The following MGMT variants were observed in gnomAD, a reference collection of about 807,000 sequenced individuals.
MGMT encodes the protein methylated-DNA--protein-cysteine methyltransferase.
MGMT carries 14 observed loss-of-function variants against 15.9 expected under a neutral mutation model. That is an observed-to-expected ratio of 0.88 (90% CI 0.58 to 1.37). MGMT has a LOEUF of 1.37. Ranked by LOEUF, MGMT falls within the 40% of genes most tolerant of loss-of-function variation. The pLI, the probability that MGMT is intolerant of heterozygous loss-of-function variation, is 0.00. For synonymous variants in MGMT, 130 were observed against 118.2 expected (o/e 1.10, Z -0.65); for missense variants, 282 against 268.1 (o/e 1.05, Z -0.36).
chr10:129,522,415 G>A (rs182188937), intron 1 of MGMT, among the ~76,000 whole-genome samples: 170 of 152,262 alleles, frequency 1.1e-3, no homozygotes, highest in Admixed American at 2.5e-3. Context: ...ACTCCTGGAC[G>A]GTTGCCGGAG....
In MGMT at chr10:129,696,829, G is replaced by A. The variant is rs187931236; in HGVS notation, c.126-11066G>A. Among the ~76,000 whole-genome samples the A allele has an allele frequency of 8.9e-4, 136 of 152,298 alleles. 2 individuals are homozygous for A. The highest frequency in any genetic ancestry group is 3.0e-3 in the African/African-American group (126 of 41,570). Reference sequence around the variant, plus strand: ...GCAGCCCTTGGTTGGACTTCTTTACGCAGCCCAGTCCACACCTCACCTGTG... The same window carrying A: ...GCAGCCCTTGGTTGGACTTCTTTACACAGCCCAGTCCACACCTCACCTGTG... On this transcript the variant is annotated intron_variant, in intron 2 of 4. Coordinates refer to ENST00000651593, the MANE Select transcript of MGMT (RefSeq NM_002412.5).
chr10:129,515,197 TC>T (rs1845725203), intron 1 of MGMT, among the ~76,000 whole-genome samples: 1 of 152,230 alleles, frequency 6.6e-6, no homozygotes, highest in Non-Finnish European at 1.5e-5. Flanking sequence ...GCCTGGTGTC[TC>T]GTCTGAGAGG....
chr10:129,638,429 C>CAAAAAAAAAAAAAAAA lies in MGMT; in HGVS notation c.126-69465_126-69450dup. On this transcript the variant is annotated intron_variant, in intron 2 of 4. Coordinates refer to ENST00000651593, the MANE Select transcript of MGMT (RefSeq NM_002412.5). ...GAAGTCCAAGAGAGGACCAAAGAGG[C>CAAAAAAAAAAAAAAAA]AAAAAAAAAAAAAAAAGAAAAAAAA... Among the ~76,000 whole-genome samples the CAAAAAAAAAAAAAAAA allele has an allele frequency of 3.5e-3, 219 of 61,722 alleles. 19 individuals carry two copies. Among genetic ancestry groups the CAAAAAAAAAAAAAAAA allele is most frequent in the Non-Finnish European group, 5.0e-3 (153 of 30,702 alleles). The allele number at this position is 61,722 out of a possible 152,430, so 40.5% of individuals were successfully genotyped here.
intron 2 of MGMT, among the ~76,000 whole-genome samples, chr10:129,704,671 T>C (rs996326603): frequency 1.3e-5 from 2 of 152,088 alleles, no homozygotes. Flanking sequence ...CTCTGGCTCC[T>C]TCCTTAAAAC....
At chr10:129,721,870 C>G (rs537715260) in intron 3 of MGMT, among the ~76,000 whole-genome samples, 1 of 151,332 alleles carries the variant, frequency 6.6e-6, no homozygotes, top group African/African-American at 2.4e-5. Context: ...AAAGGGGGAA[C>G]AAAGAACAGA....
intron 3 of MGMT, among the ~76,000 whole-genome samples, chr10:129,733,514 G>C (rs973126173): frequency 1.9e-4 from 28 of 149,066 alleles, no homozygotes; most frequent in Non-Finnish European, 2.4e-4. Context: ...TAGGTTGCCT[G>C]TTCACTCTGA....
intron 2 of MGMT, among the ~76,000 whole-genome samples, chr10:129,596,935 G>A (rs1009826055): frequency 6.6e-6 from 1 of 152,166 alleles, no homozygotes; most frequent in African/African-American, 2.4e-5. Flanking sequence ...GTGGATGTAG[G>A]AGTGAGGGGG....
chr10:129,630,723 G>T (rs1564742478), intron 2 of MGMT, among the ~76,000 whole-genome samples: 1 of 152,226 alleles, frequency 6.6e-6, no homozygotes, highest in South Asian at 2.1e-4. Context: ...ATCAGTAAAA[G>T]AATCCATTTT....
Position 129,579,374 on chromosome 10 carries a change from A to G in MGMT, c.125+42997A>G, listed in dbSNP as rs555058934. Among the ~76,000 whole-genome samples the G allele has an allele frequency of 5.3e-5, 8 of 152,292 alleles. No individual in the cohort carries two copies. The East Asian group carries it at 1.5e-3, about 30-fold the overall frequency. ...CCAGGCCCCAGGAGTCCCGTGGGTC[A>G]GGAGCATGGCATGGAGGGTGGGCAG... On this transcript the variant is annotated intron_variant, in intron 2 of 4. Coordinates refer to ENST00000651593, the MANE Select transcript of MGMT (RefSeq NM_002412.5).
At chr10:129,580,710 C>T (rs917577218) in intron 2 of MGMT, among the ~76,000 whole-genome samples, 5 of 152,208 alleles carry the variant, frequency 3.3e-5, no homozygotes, top group African/African-American at 7.2e-5. Flanking sequence ...GCTTGTCCCC[C>T]GACCACAGAC....
chr10:129,585,043 A>G (rs1406918369), intron 2 of MGMT, among the ~76,000 whole-genome samples: 11 of 152,196 alleles, frequency 7.2e-5, no homozygotes. Context: ...TAGCATTTTG[A>G]AAAACTTATG....
At chr10:129,745,990 A>G (rs1848690370) in intron 3 of MGMT, among the ~76,000 whole-genome samples, 2 of 152,104 alleles carry the variant, frequency 1.3e-5, no homozygotes, top group African/African-American at 4.8e-5. Flanking sequence ...TAATCCCAGC[A>G]CTTTGGGAGG....
chr10:129,578,367 G>C (rs937345543), intron 2 of MGMT, among the ~76,000 whole-genome samples: 6 of 152,268 alleles, frequency 3.9e-5, no homozygotes, highest in African/African-American at 1.4e-4. Flanking sequence ...AAAATGATGA[G>C]TTCATGTCAT....
intron 1 of MGMT, among the ~76,000 whole-genome samples, chr10:129,505,523 T>C (rs1390270036): frequency 1.3e-5 from 2 of 152,254 alleles, no homozygotes; most frequent in Admixed American, 1.3e-4. Flanking sequence ...CTCAGATAGA[T>C]ACACGGTGGT....
intron 2 of MGMT, among the ~76,000 whole-genome samples, chr10:129,582,093 G>T (rs1017750233): frequency 6.6e-6 from 1 of 152,202 alleles, no homozygotes; most frequent in African/African-American, 2.4e-5. Context: ...TTGCTTACAA[G>T]TGCTCCTTTT....
intron 2 of MGMT, among the ~76,000 whole-genome samples, chr10:129,598,118 G>T (rs1846773147): frequency 6.6e-6 from 1 of 152,164 alleles, no homozygotes; most frequent in Admixed American, 6.5e-5. Context: ...AGGCACCGTG[G>T]ATGCGGCCAG....
intron 1 of MGMT, among the ~76,000 whole-genome samples, chr10:129,476,965 G>A (rs574174778): frequency 3.7e-4 from 57 of 152,224 alleles, no homozygotes; most frequent in African/African-American, 1.3e-3. Context: ...CATGGTCCTC[G>A]CAGCCTCCCC....
chr10:129,554,260 A>G (rs779341265), intron 2 of MGMT, among the ~76,000 whole-genome samples: 2 of 152,236 alleles, frequency 1.3e-5, no homozygotes, highest in Non-Finnish European at 2.9e-5. Context: ...TTTAGCAAAT[A>G]CAGAAAGTAC....
intron 1 of MGMT, among the ~76,000 whole-genome samples, chr10:129,529,165 G>A (rs1292906910): frequency 6.6e-6 from 1 of 151,930 alleles, no homozygotes; most frequent in Non-Finnish European, 1.5e-5. Context: ...GAGTGTGAGG[G>A]GCAGTGGCAG....
Sources: allele counts gnomAD v4.1 joint callset (sites outside exome capture counted in the v4.1 genomes callset), GRCh38; gene constraint gnomAD v4.1.1; transcripts MANE v1.5; gene names NCBI Gene and HGNC (gene_info 2026-07-23, HGNC 2026-07-21).